Variants in RPS6KA2 observed in about 807,000 individuals in gnomAD.
RPS6KA2 encodes ribosomal protein S6 kinase alpha-2.
RPS6KA2 carries 42 observed loss-of-function variants against 91.8 expected under a neutral mutation model. That is an observed-to-expected ratio of 0.46 (90% confidence interval 0.36 to 0.59). RPS6KA2 has a LOEUF of 0.59. RPS6KA2 is among the 20% of genes least tolerant of loss of function. The probability of loss-of-function intolerance (pLI) is 0.00; values close to 1 mark genes in which losing one functional copy is unlikely to be tolerated. For missense variants in RPS6KA2, 798 were observed against 978.5 expected (o/e 0.82, Z 2.46); for synonymous variants, 414 against 393.6 (o/e 1.05, Z -0.61).
chr6:166,673,603 A>G lies in RPS6KA2; in HGVS notation c.124-134819T>C, dbSNP rs75201210. On this transcript the variant is annotated intron_variant, in intron 2 of 21. Coordinates refer to the RPS6KA2 transcript ENST00000503859. ...CATGGCTCAGGAGGCACAAAACAGG[A>G]CAAAAGTTTGCAAACTCTAAACCAA... Among the ~76,000 whole-genome samples the G allele has an allele frequency of 6.0e-3, 911 of 152,374 alleles. 23 individuals carry two copies. In the South Asian group the frequency reaches 0.077, roughly 13 times the overall value.
chr6:166,517,508 G>A (rs1206574811), intron 3 of RPS6KA2, among the ~76,000 whole-genome samples: 42 of 124,922 alleles, frequency 3.4e-4, no homozygotes, highest in Admixed American at 2.8e-3. Flanking sequence ...TCGCTCTGTC[G>A]CCCAGGCCGG....
intron 2 of RPS6KA2, among the ~76,000 whole-genome samples, chr6:166,698,526 A>C (rs956841214): frequency 6.6e-6 from 1 of 152,230 alleles, no homozygotes; most frequent in African/African-American, 2.4e-5. Flanking sequence ...ATGCATTTTT[A>C]TAGTAACCAT....
In RPS6KA2 at chr6:166,448,666, C is replaced by G. The variant is rs1200563728; in HGVS notation, c.1332+58G>C. The G allele has an allele frequency of 6.5e-7, 1 of 1,543,764 alleles. No homozygotes were observed. Among genetic ancestry groups the G allele is most frequent in the Non-Finnish European group, 8.8e-7 (1 of 1,140,080 alleles). On this transcript the variant is annotated intron_variant, in intron 14 of 20. Coordinates refer to ENST00000265678, the MANE Select transcript of RPS6KA2 (RefSeq NM_021135.6). The surrounding 1 kb of genome is among the most constrained non-coding windows in gnomAD (Gnocchi z 4.7). ...ATGCTCCGTGCTCCCACATACCACA[C>G]GTGCTCCCACGCGCTGCACTCACAC...
rs949910957 is a variant in RPS6KA2, at chr6:166,411,084, A to ATGTT, written c.*1674_*1677dup. On this transcript the variant is annotated 3_prime_UTR_variant, in exon 21 of 21. Transcript: ENST00000265678. This position sits in a 1 kb window ranked among gnomAD's most constrained non-coding sequence, Gnocchi z 4.5. ...GTATTCAGTCCGACTTGCTCCTTTT[A>ATGTT]TGTTTTGTGGTTCTCTAAGAAAAAA... is the stretch of plus-strand genomic sequence containing the variant. 2 of 124,964 alleles carry ATGTT rather than the reference A, an allele frequency of 1.6e-5. No individual in the cohort carries two copies. Among genetic ancestry groups the ATGTT allele is most frequent in the African/African-American group, 6.3e-5 (2 of 31,848 alleles). 7.7% of individuals were successfully genotyped at this position (124,964 alleles called of 1,614,324 possible).
chr6:166,658,662 T>G (rs1788068721), intron 2 of RPS6KA2, among the ~76,000 whole-genome samples: 1 of 152,112 alleles, frequency 6.6e-6, no homozygotes, highest in Non-Finnish European at 1.5e-5. Context: ...ACACTGATAA[T>G]GATAAAAACA....
intron 6 of RPS6KA2, among the ~76,000 whole-genome samples, chr6:166,503,508 T>TCACAGGCAC (rs1365550744): frequency 5.3e-5 from 8 of 152,070 alleles, no homozygotes; most frequent in African/African-American, 1.7e-4. Flanking sequence ...TGGTCTTAGC[T>TCACAGGCAC]CACAGGCACG....
intron 2 of RPS6KA2, among the ~76,000 whole-genome samples, chr6:166,855,528 T>G (rs995885438): frequency 6.6e-6 from 1 of 151,878 alleles, no homozygotes; most frequent in South Asian, 2.1e-4. Flanking sequence ...AAGAAGGGTT[T>G]TGTGATTGTG....
At chr6:166,496,914 C>A (rs760397148) in intron 8 of RPS6KA2, among the ~76,000 whole-genome samples, 4 of 152,208 alleles carry the variant, frequency 2.6e-5, no homozygotes, top group Non-Finnish European at 4.4e-5. Flanking sequence ...CTTCCCTGCA[C>A]CGGCAAAACC....
At chr6:166,443,135 C>T (rs112111663) in intron 14 of RPS6KA2, among the ~76,000 whole-genome samples, 112 of 151,906 alleles carry the variant, frequency 7.4e-4, no homozygotes, top group African/African-American at 2.4e-3. Flanking sequence ...TGTAATAATA[C>T]GATCTAGAGG....
upstream of RPS6KA2, among the ~76,000 whole-genome samples, chr6:166,628,424 T>C (rs76418844): frequency 9.8e-3 from 1,490 of 152,370 alleles, 22 homozygotes; most frequent in South Asian, 0.065. Context: ...TTGCTTGCTC[T>C]TTTGCAGTGC....
intron 2 of RPS6KA2, among the ~76,000 whole-genome samples, chr6:166,834,954 A>C (rs948915401): frequency 1.1e-4 from 17 of 152,126 alleles, no homozygotes; most frequent in African/African-American, 4.1e-4. Flanking sequence ...TTAGGTCTTA[A>C]ATTTAGGTCA....
chr6:166,414,216 C>T (rs1047872753), intron 19 of RPS6KA2, among the ~76,000 whole-genome samples: 6 of 152,266 alleles, frequency 3.9e-5, no homozygotes, highest in South Asian at 4.1e-4. Context: ...GCATGTAAAT[C>T]GATGAAACAC....
At chr6:166,532,625 G>A (rs962062612) in intron 2 of RPS6KA2, among the ~76,000 whole-genome samples, 1 of 152,108 alleles carries the variant, frequency 6.6e-6, no homozygotes, top group Non-Finnish European at 1.5e-5. Flanking sequence ...TCTAGATGAC[G>A]CCCATGGGAA....
chr6:166,440,884 A>T (rs1341069686), intron 14 of RPS6KA2, among the ~76,000 whole-genome samples: 1 of 152,230 alleles, frequency 6.6e-6, no homozygotes, highest in Non-Finnish European at 1.5e-5. Context: ...TCTTGGGGAA[A>T]ACGGGCAAAG....
chr6:166,736,377 T>C (rs1331988148), intron 2 of RPS6KA2, among the ~76,000 whole-genome samples: 1 of 152,252 alleles, frequency 6.6e-6, no homozygotes, highest in Non-Finnish European at 1.5e-5. Context: ...GTGTGTTGCC[T>C]GAAGACTATT....
intron 2 of RPS6KA2, among the ~76,000 whole-genome samples, chr6:166,829,271 G>T (rs1163447520): frequency 6.6e-6 from 1 of 152,152 alleles, no homozygotes; most frequent in Non-Finnish European, 1.5e-5. Flanking sequence ...GTGGAAAACA[G>T]GACGGTGGTT....
intron 11 of RPS6KA2, among the ~76,000 whole-genome samples, chr6:166,465,954 G>A (rs1397773764): frequency 6.6e-6 from 1 of 152,228 alleles, no homozygotes; most frequent in East Asian, 1.9e-4. Flanking sequence ...TGGGTTCAGG[G>A]CGCTGGGCAG....
intron 7 of RPS6KA2, among the ~76,000 whole-genome samples, chr6:166,499,731 C>T (rs1408153551): frequency 1.3e-5 from 2 of 152,192 alleles, no homozygotes; most frequent in Non-Finnish European, 2.9e-5. Context: ...ATTACCCAGC[C>T]TTGGGTATGT....
At chr6:166,827,859 C>T (rs1206644747) in intron 2 of RPS6KA2, among the ~76,000 whole-genome samples, 2 of 152,240 alleles carry the variant, frequency 1.3e-5, no homozygotes, top group Non-Finnish European at 2.9e-5. Context: ...GTTTTATGCT[C>T]TGCCTTCATT....
Sources: gnomAD v4.1 joint callset for allele counts (sites outside exome capture counted in the v4.1 genomes callset) on GRCh38, gnomAD v4.1.1 for gene constraint, Gnocchi (gnomAD v3.1) non-coding constraint, MANE v1.5 for transcripts, NCBI Gene and HGNC (gene_info 2026-07-23, HGNC 2026-07-21) for gene names.